Variants in KPNA3 observed in about 807,000 individuals in gnomAD.
KPNA3 encodes importin subunit alpha-4.
Under a neutral mutation model 73.8 loss-of-function variants are expected in KPNA3, and 13 were observed. The observed-to-expected ratio is 0.18, with a 90% CI of 0.11 to 0.28. The LOEUF is 0.28. Ranked by LOEUF, KPNA3 falls within the 10% of genes least tolerant of loss-of-function variation. The pLI, the probability that KPNA3 is intolerant of heterozygous loss-of-function variation, is 1.00. For missense variants in KPNA3, 360 were observed against 618.1 expected (o/e 0.58, Z 4.43); for synonymous variants, 186 against 206.9 (o/e 0.90, Z 0.87).
intron 1 of KPNA3, among the ~76,000 whole-genome samples, chr13:49,774,148 C>T (rs1196519508): frequency 1.3e-5 from 2 of 151,920 alleles, no homozygotes; most frequent in Non-Finnish European, 2.9e-5. Flanking sequence ...CAAGTGATCC[C>T]CCTGCCTCAG....
chr13:49,705,884 G>A, intron 14 of KPNA3, 101 bp from the exon 15 acceptor site: 1 of 1,155,820 alleles, frequency 8.7e-7, no homozygotes, highest in Non-Finnish European at 1.2e-6. Context: ...GCTATCTTGA[G>A]CCCAGGAGTT....
chr13:49,722,076 T>C lies in KPNA3; in HGVS notation c.605A>G (p.Lys202Arg), dbSNP rs1045213942. The C allele has an allele frequency of 9.3e-6, 15 of 1,610,372 alleles. No individual in the cohort carries two copies. The highest frequency in any genetic ancestry group is 3.3e-4 in the Middle Eastern group (2 of 6,072). ...RDYVISLGVV[K>R]PLLSFISPSI... ...GGGACTGATGAAGGACAGAAGAGGT[T>C]TGACAACTCCCAGTGATATGACATA... The change falls in exon 9 of 17, where the codon AAA becomes AGA. Residue 202 changes from lysine to arginine, a missense_variant. By Grantham distance (26) the Lys-to-Arg change is conservative (BLOSUM62 2). Around this residue, in one of 3 missense-constraint regions of KPNA3, gnomAD observed 287 missense variants for 549.1 expected, o/e 0.52. Transcript: ENST00000261667.
intron 7 of KPNA3, 86 bp downstream of exon 7, chr13:49,725,330 A>G (rs1954399246): frequency 3.3e-6 from 2 of 608,040 alleles, no homozygotes; most frequent in Non-Finnish European, 5.5e-6. Context: ...AAAAAATGTT[A>G]CAAGATAAAA....
chr13:49,777,195 T>C (rs975483048), intron 1 of KPNA3, among the ~76,000 whole-genome samples: 2 of 152,242 alleles, frequency 1.3e-5, no homozygotes, highest in African/African-American at 2.4e-5. Context: ...TCAGTCCCTA[T>C]TATTATCATT....
At chr13:49,769,084 G>C (rs1299733206) in intron 1 of KPNA3, among the ~76,000 whole-genome samples, 3 of 152,040 alleles carry the variant, frequency 2.0e-5, no homozygotes, top group Non-Finnish European at 4.4e-5. Context: ...TCACTCTCCA[G>C]TACCTTTAAA....
rs951625582 is a variant in KPNA3, at chr13:49,741,233, C to T, written c.114+5716G>A. On this transcript the variant is annotated intron_variant, in intron 2 of 16. Coordinates refer to ENST00000261667, the MANE Select transcript of KPNA3 (RefSeq NM_002267.4). ...CATACTGCTTTCTATAATGTCTATACTAATTTACATTCTGACCAAGAGTGT... is the reference window on the plus strand; with the variant it reads ...CATACTGCTTTCTATAATGTCTATATTAATTTACATTCTGACCAAGAGTGT... Among the ~76,000 whole-genome samples the T allele has an allele frequency of 3.9e-4, 60 of 152,092 alleles. 1 individual carries two copies. Among genetic ancestry groups the T allele is most frequent in the Admixed American group, 3.9e-3 (60 of 15,268 alleles).
intron 1 of KPNA3, among the ~76,000 whole-genome samples, chr13:49,755,232 A>C (rs1231161457): frequency 6.6e-6 from 1 of 152,222 alleles, no homozygotes; most frequent in East Asian, 1.9e-4. Flanking sequence ...AAACCATACT[A>C]ATAGACTAAT....
At chr13:49,730,732 C>T (rs7399926) in intron 6 of KPNA3, among the ~76,000 whole-genome samples, 119,210 of 141,680 alleles carry the variant, frequency 0.84, 50,409 homozygotes, top group East Asian at 1. Context: ...ACTCGTCATT[C>T]AGCATTAGGT....
chr13:49,756,265 C>T (rs1954710955), intron 1 of KPNA3, among the ~76,000 whole-genome samples: 1 of 151,968 alleles, frequency 6.6e-6, no homozygotes, highest in South Asian at 2.1e-4. Context: ...CAGAGATAGA[C>T]CCTGCCTCAA....
intron 11 of KPNA3, 63 bp from the exon 12 acceptor site, chr13:49,709,763 T>C: frequency 6.7e-7 from 1 of 1,496,326 alleles, no homozygotes; most frequent in Admixed American, 2.1e-5. Flanking sequence ...TCTATATTTT[T>C]CATAATCCTG....
chr13:49,721,475 C>T (rs1258296864), intron 9 of KPNA3, among the ~76,000 whole-genome samples: 1 of 152,092 alleles, frequency 6.6e-6, no homozygotes, highest in East Asian at 1.9e-4. Flanking sequence ...CAGTAAGACA[C>T]TCAACTTTTA....
chr13:49,767,404 ACT>A (rs1167681920), intron 1 of KPNA3, among the ~76,000 whole-genome samples: 2 of 148,172 alleles, frequency 1.3e-5, no homozygotes, highest in Admixed American at 1.3e-4. Context: ...CAGAGCCAAG[ACT>A]CTGTCTCAAT....
At chr13:49,734,948 GAT>G (rs1227471599) in intron 2 of KPNA3, among the ~76,000 whole-genome samples, 58 of 114,106 alleles carry the variant, frequency 5.1e-4, no homozygotes, top group South Asian at 7.2e-4. Flanking sequence ...TAGAGAGAGA[GAT>G]AGATAGAGAG....
At chr13:49,746,151 TA>T (rs1717523244) in intron 2 of KPNA3, among the ~76,000 whole-genome samples, 3 of 151,128 alleles carry the variant, frequency 2.0e-5, no homozygotes. Context: ...TTGTTTCAAA[TA>T]AAATGTGTTC....
At chr13:49,777,296 T>A (rs1179431080) in intron 1 of KPNA3, among the ~76,000 whole-genome samples, 1 of 152,190 alleles carries the variant, frequency 6.6e-6, no homozygotes, top group Non-Finnish European at 1.5e-5. Context: ...GTACCCCTTT[T>A]GTGTTTCTGA....
At chr13:49,763,696 G>A (rs1275550176) in intron 1 of KPNA3, among the ~76,000 whole-genome samples, 1 of 152,090 alleles carries the variant, frequency 6.6e-6, no homozygotes, top group Non-Finnish European at 1.5e-5. Context: ...GCACTTTGGA[G>A]GCCTAGGTGG....
chr13:49,792,368 G>T, intron 1 of KPNA3, 70 bp downstream of exon 1: 1 of 1,103,388 alleles, frequency 9.1e-7, no homozygotes, highest in Non-Finnish European at 1.2e-6. Context: ...CCCGGCGCCG[G>T]CCCCCCGCCC....
chr13:49,762,932 A>AAAAAAG (rs56269125), intron 1 of KPNA3, among the ~76,000 whole-genome samples: 2 of 148,132 alleles, frequency 1.4e-5, no homozygotes, highest in Non-Finnish European at 3.0e-5. Flanking sequence ...AAAAACAAAA[A>AAAAAAG]AAGAAGAGGA....
chr13:49,746,876 A>G (rs2137569254), intron 2 of KPNA3, 73 bp downstream of exon 2: 1 of 1,120,954 alleles, frequency 8.9e-7, no homozygotes, highest in South Asian at 1.3e-5. Context: ...CAGTATTTTC[A>G]TTATTCAAGA....
Sources: allele counts gnomAD v4.1 joint callset (sites outside exome capture counted in the v4.1 genomes callset), GRCh38; gene constraint gnomAD v4.1.1; regional missense constraint gnomAD v4.1.1; transcripts MANE v1.5; gene names NCBI Gene and HGNC (gene_info 2026-07-23, HGNC 2026-07-21).